Variants in ATOX1 observed in about 807,000 individuals in gnomAD.
ATOX1 encodes copper transport protein ATOX1.
In ATOX1, 4 loss-of-function variants were observed where a neutral mutation model predicts 7.3. The observed-to-expected ratio is 0.55, with a 90% confidence interval of 0.27 to 1.25. The LOEUF is 1.25. ATOX1 is among the 50% of genes most tolerant of loss of function. The pLI, the probability that ATOX1 is intolerant of heterozygous loss-of-function variation, is 0.12. For missense variants in ATOX1, 68 were observed against 81.6 expected (o/e 0.83, Z 0.64); for synonymous variants, 25 against 28.7 (o/e 0.87, Z 0.41).
chr5:151,746,302 G>A lies in ATOX1; in HGVS notation c.*23C>T. On this transcript the variant is annotated 3_prime_UTR_variant, in exon 3 of 4. Coordinates refer to ENST00000313115, the MANE Select transcript of ATOX1 (RefSeq NM_004045.4). ...ACCTGCCCCCTTTGGTCCATCCTGT[G>A]GGCTGTGGGGACCAGGCCCCTGCTA... 6.2e-7 allele frequency: 1 copy of A among 1,611,834 alleles called. No homozygotes were observed. Among genetic ancestry groups the A allele is most frequent in the Non-Finnish European group, 8.5e-7 (1 of 1,179,164 alleles).
At chr5:151,743,146 T>C (rs936984650) in intron 3 of ATOX1, 187 bp from the exon 4 acceptor site, 3 of 152,256 alleles carry the variant, frequency 2.0e-5, no homozygotes, top group East Asian at 1.9e-4. Flanking sequence ...AGAGCCCCAG[T>C]GTCCAGCCCT....
chr5:151,744,313 T>G (rs1561520359), intron 3 of ATOX1: 1 of 152,238 alleles, frequency 6.6e-6, no homozygotes, highest in Non-Finnish European at 1.5e-5. Flanking sequence ...GTTCCATTAT[T>G]GGAACGCTAA....
chr5:151,756,926 C>T (rs767515735), intron 1 of ATOX1, among the ~76,000 whole-genome samples: 14 of 152,142 alleles, frequency 9.2e-5, no homozygotes, highest in Non-Finnish European at 1.9e-4. Flanking sequence ...AGTTTTTGTC[C>T]CTATCTTACA....
chr5:151,751,021 C>G (rs887544389), intron 2 of ATOX1, among the ~76,000 whole-genome samples: 1 of 151,858 alleles, frequency 6.6e-6, no homozygotes, highest in African/African-American at 2.4e-5. Context: ...CTTTGGGAGG[C>G]CGAGGCGGGC....
chr5:151,758,003 C>T (rs565188867), intron 1 of ATOX1, among the ~76,000 whole-genome samples: 16 of 152,346 alleles, frequency 1.1e-4, no homozygotes, highest in African/African-American at 3.8e-4. Flanking sequence ...TGGGTTCAGG[C>T]TGAGAAAGTG....
rs1276405877 is a variant in ATOX1 at position 151,746,377 on chromosome 5, A to G, written c.155T>C (p.Leu52Pro). The change falls in exon 3 of 4, where the codon CTT (leucine) becomes CCT (proline). Residue 52 changes from leucine (L) to proline (P), a missense_variant. Coordinates refer to ENST00000313115, the MANE Select transcript of ATOX1 (RefSeq NM_004045.4). ...CTTTCCTGTTTTCTTCAGGGTTGCA[A>G]GCAGAGTGTCCATGCTGTGCTCAGA... ...IESEHSMDTL[L>P]ATLKKTGKTV... 3.1e-6 allele frequency: 5 copies of G among 1,613,996 alleles called. No homozygotes were observed. The highest frequency in any genetic ancestry group is 4.2e-6 in the Non-Finnish European group (5 of 1,179,860).
intron 2 of ATOX1, among the ~76,000 whole-genome samples, chr5:151,749,511 C>T (rs113441288): frequency 1.3e-4 from 19 of 150,454 alleles, no homozygotes; most frequent in Non-Finnish European, 2.4e-4. Flanking sequence ...ATTAGCCAGG[C>T]GTGGTGGCGG....
rs772544641 is a variant in ATOX1, at chr5:151,758,572, G to C, written c.-21C>G. On this transcript the variant is annotated 5_prime_UTR_variant, in exon 1 of 4. Coordinates refer to ENST00000313115, the MANE Select transcript of ATOX1 (RefSeq NM_004045.4). ...GGCATGACTGAGGCAGCGGCGGTGT[G>C]GCGGCGGTGTGGCGGCGGTGTCAGC... 115 of 1,418,772 alleles carry C rather than the reference G, an allele frequency of 8.1e-5. 1 individual carries two copies. The highest frequency in any genetic ancestry group is 1.0e-4 in the Non-Finnish European group (113 of 1,080,526). The allele number at this position is 1,418,772 out of a possible 1,614,324, so 87.9% of individuals were successfully genotyped here. A position where few individuals can be genotyped will look rare whatever the true frequency, so the allele number is the denominator to read the frequency against.
intron 2 of ATOX1, 94 bp downstream of exon 2, chr5:151,751,610 C>T (rs1370518932): frequency 7.6e-6 from 10 of 1,309,522 alleles, no homozygotes; most frequent in Non-Finnish European, 1.1e-5. Context: ...TTTAGTTTTA[C>T]TGTTATGATC....
intron 1 of ATOX1, among the ~76,000 whole-genome samples, chr5:151,754,351 A>G (rs1761986164): frequency 6.6e-6 from 1 of 152,162 alleles, no homozygotes; most frequent in South Asian, 2.1e-4. Context: ...GCTCATGCCT[A>G]TAATCTCAAC....
Position 151,758,625 on chromosome 5 carries a change from T to A in ATOX1, c.-74A>T, listed in dbSNP as rs1285646943. The A allele has an allele frequency of 7.4e-7, 1 of 1,348,834 alleles. No individual in the cohort carries two copies. Among genetic ancestry groups the A allele is most frequent in the Non-Finnish European group, 9.6e-7 (1 of 1,040,608 alleles). The allele number at this position is 1,348,834 out of a possible 1,614,324, so 83.6% of individuals were successfully genotyped here. A position where few individuals can be genotyped will look rare whatever the true frequency, so the allele number is the denominator to read the frequency against. On this transcript the variant is annotated 5_prime_UTR_variant, in exon 1 of 4. Transcript: ENST00000313115. Reference sequence around the variant, plus strand: ...CGCCTCTCTGGATTCGGAGGGCGGGTTCGGCTGCGCTTCCGAGAGTGCGCA... The same window carrying A: ...CGCCTCTCTGGATTCGGAGGGCGGGATCGGCTGCGCTTCCGAGAGTGCGCA...
At position 151,746,298 on chromosome 5, in the gene ATOX1, C is replaced by G; in HGVS notation, c.*27G>C. 1 of 1,611,514 alleles carries G rather than the reference C, an allele frequency of 6.2e-7. No homozygotes were observed. The highest frequency in any genetic ancestry group is 1.1e-5 in the South Asian group (1 of 90,920). On this transcript the variant is annotated 3_prime_UTR_variant, in exon 3 of 4. Transcript: ENST00000313115. The stretch of plus-strand genomic sequence containing the variant: ...ACCCACCTGCCCCCTTTGGTCCATC[C>G]TGTGGGCTGTGGGGACCAGGCCCCT...
At chr5:151,749,100 T>A (rs1019957349) in intron 2 of ATOX1, among the ~76,000 whole-genome samples, 1 of 152,096 alleles carries the variant, frequency 6.6e-6, no homozygotes, top group African/African-American at 2.4e-5. Context: ...TGGGTAGATG[T>A]CTTTGAGCTG....
chr5:151,756,740 C>T (rs1762022467), intron 1 of ATOX1, among the ~76,000 whole-genome samples: 1 of 152,246 alleles, frequency 6.6e-6, no homozygotes, highest in African/African-American at 2.4e-5. Context: ...TCCCAAAGTG[C>T]TGGGATTACA....
intron 2 of ATOX1, among the ~76,000 whole-genome samples, chr5:151,748,677 C>T (rs28917201): frequency 3.6e-4 from 55 of 152,026 alleles, no homozygotes; most frequent in African/African-American, 1.2e-3. Context: ...GCCTGGCTAA[C>T]GTGGTGAAAC....
chr5:151,748,583 C>G (rs528377050), intron 2 of ATOX1, among the ~76,000 whole-genome samples: 8 of 152,286 alleles, frequency 5.3e-5, no homozygotes, highest in African/African-American at 1.9e-4. Context: ...TATGGTTGGC[C>G]AGGCGTGGTG....
intron 1 of ATOX1, chr5:151,751,994 A>T (rs1761956998): frequency 1.7e-6 from 1 of 599,684 alleles, no homozygotes; most frequent in Admixed American, 3.0e-5. Flanking sequence ...CAATGGAATC[A>T]TCCCTATAAA....
intron 3 of ATOX1, chr5:151,743,733 TC>T (rs1761848586): frequency 6.6e-6 from 1 of 152,232 alleles, no homozygotes; most frequent in East Asian, 1.9e-4. Context: ...GCATTAGGGC[TC>T]CCCCACATGG....
intron 1 of ATOX1, among the ~76,000 whole-genome samples, chr5:151,753,067 G>A (rs1207253572): frequency 6.6e-6 from 1 of 152,184 alleles, no homozygotes; most frequent in Non-Finnish European, 1.5e-5. Flanking sequence ...TGCACTAGAG[G>A]AAGTCAGCTA....
Sources: gnomAD v4.1 joint callset for allele counts (sites outside exome capture counted in the v4.1 genomes callset) on GRCh38, gnomAD v4.1.1 for gene constraint, MANE v1.5 for transcripts, NCBI Gene and HGNC (gene_info 2026-07-23, HGNC 2026-07-21) for gene names.